CCNC: variants seen among roughly 807,000 people sequenced by gnomAD.
CCNC encodes cyclin-C.
In CCNC, 19 loss-of-function variants were observed where a neutral mutation model predicts 50.0. The ratio of observed to expected loss-of-function variants is 0.38; its 90% CI spans 0.27 to 0.56. The LOEUF (loss-of-function observed/expected upper bound fraction) is 0.56, where lower values mean the gene tolerates loss of function less well. Among genes scored for constraint, CCNC ranks in the 20% least tolerant of loss-of-function variants. The pLI is 0.72. For missense variants in CCNC, 200 were observed against 327.1 expected (o/e 0.61, Z 3.00); for synonymous variants, 93 against 103.7 (o/e 0.90, Z 0.63).
chr6:99,545,666 AAAC>A (rs1299443097), intron 10 of CCNC, among the ~76,000 whole-genome samples: 1 of 152,228 alleles, frequency 6.6e-6, no homozygotes, highest in Admixed American at 6.5e-5. Context: ...TACAAATTTG[AAAC>A]AACTAGTTAA....
intron 5 of CCNC, among the ~76,000 whole-genome samples, chr6:99,554,563 T>G (rs2114327239): frequency 6.6e-6 from 1 of 152,360 alleles, no homozygotes; most frequent in Non-Finnish European, 1.5e-5. Context: ...CCAATGCTAT[T>G]TTTAAAATTT....
intron 5 of CCNC, 60 bp downstream of exon 5, chr6:99,558,437 T>C (rs1472414805): frequency 1.3e-6 from 2 of 1,579,562 alleles, no homozygotes; most frequent in East Asian, 2.3e-5. Flanking sequence ...AAAAAATCTA[T>C]GTACTCTGGA....
intron 5 of CCNC, chr6:99,557,613 T>G (rs1802579095): frequency 6.6e-6 from 1 of 151,982 alleles, no homozygotes. Context: ...GAGACTAGTC[T>G]GGCCAACATG....
chr6:99,559,363 G>A (rs1422281329), intron 4 of CCNC, among the ~76,000 whole-genome samples: 1 of 151,922 alleles, frequency 6.6e-6, no homozygotes, highest in Non-Finnish European at 1.5e-5. Context: ...TTCATTTATT[G>A]CCTCGTAAGA....
rs1769260993 is a variant in CCNC at position 99,568,573 on chromosome 6, C to T, written c.-46G>A. ...AAAAAAGCACCAGCCGGCGGAGCGG[C>T]CCGCGGAGCGACCATAGACCCAGCC... On this transcript the variant is annotated 5_prime_UTR_variant, in exon 1 of 12. Coordinates refer to ENST00000520429, the MANE Select transcript of CCNC (RefSeq NM_005190.4). 1.9e-6 allele frequency: 3 copies of T among 1,599,810 alleles called. No individual in the cohort carries two copies. In the East Asian group the frequency reaches 6.9e-5, roughly 37 times the overall value.
intron 5 of CCNC, among the ~76,000 whole-genome samples, chr6:99,553,553 T>C (rs1430805526): frequency 6.6e-6 from 1 of 152,224 alleles, no homozygotes; most frequent in Non-Finnish European, 1.5e-5. Context: ...CTTATTATCA[T>C]CTATTCAATT....
chr6:99,547,328 T>C (rs1039719105), intron 9 of CCNC, among the ~76,000 whole-genome samples: 1 of 151,828 alleles, frequency 6.6e-6, no homozygotes, highest in Non-Finnish European at 1.5e-5. Flanking sequence ...ATGACTGACA[T>C]GATAAAAACA....
intron 5 of CCNC, among the ~76,000 whole-genome samples, chr6:99,554,595 T>G (rs1343404985): frequency 2.0e-5 from 3 of 152,228 alleles, no homozygotes; most frequent in Non-Finnish European, 4.4e-5. Context: ...TTCTTTCAGC[T>G]TTGGTCAGTG....
chr6:99,563,854 C>A (rs1453833769), intron 1 of CCNC, among the ~76,000 whole-genome samples: 2 of 151,920 alleles, frequency 1.3e-5, no homozygotes, highest in Non-Finnish European at 2.9e-5. Flanking sequence ...TTCTTGTTCA[C>A]ATGCTGTGCT....
intron 1 of CCNC, among the ~76,000 whole-genome samples, chr6:99,563,339 GTA>G (rs1173090527): frequency 6.6e-6 from 1 of 152,186 alleles, no homozygotes; most frequent in Non-Finnish European, 1.5e-5. Context: ...ATTTGAGGAA[GTA>G]TATAGTTTTC....
chr6:99,558,430 A>C (rs1185159455), intron 5 of CCNC, 67 bp downstream of exon 5: 1 of 1,571,218 alleles, frequency 6.4e-7, no homozygotes, highest in Admixed American at 2.1e-5. Flanking sequence ...AAAAAAAAAA[A>C]AATCTATGTA....
intron 5 of CCNC, among the ~76,000 whole-genome samples, chr6:99,556,968 T>TC (rs1314967128): frequency 7.2e-5 from 11 of 152,194 alleles, no homozygotes; most frequent in Admixed American, 5.2e-4. Context: ...GCAGATTCCT[T>TC]CATTTAGCAT....
intron 5 of CCNC, among the ~76,000 whole-genome samples, chr6:99,552,272 T>C (rs1344119720): frequency 6.6e-6 from 1 of 152,162 alleles, no homozygotes; most frequent in African/African-American, 2.4e-5. Context: ...GTTTACAATA[T>C]ATACAATTGG....
At position 99,562,924 on chromosome 6, in the gene CCNC, T is replaced by C. The variant is rs780485757; in HGVS notation, c.57A>G (p.Gln19=). ...SHYLQWILDK[Q]DLLKERQKDL... ...CCTTTTGGCGCTCCTTCAACAGATCTTGTTTATCCAAAATCCATTGCAAAC... is the reference window on the plus strand; with the variant it reads ...CCTTTTGGCGCTCCTTCAACAGATCCTGTTTATCCAAAATCCATTGCAAAC... Residue 19 remains glutamine, a synonymous_variant, in exon 2 of 12, where the codon CAA becomes CAG. Transcript: ENST00000520429. The C allele has an allele frequency of 6.2e-6, 10 of 1,605,556 alleles. No individual in the cohort carries two copies. The highest frequency in any genetic ancestry group is 8.5e-6 in the Non-Finnish European group (10 of 1,176,918).
At chr6:99,561,706 A>G in intron 2 of CCNC, 25 bp from the exon 3 acceptor site, 1 of 1,328,116 alleles carries the variant, frequency 7.5e-7, no homozygotes, top group East Asian at 2.3e-5. Flanking sequence ...ATGAAATTTT[A>G]AATGTATCTT....
intron 1 of CCNC, among the ~76,000 whole-genome samples, chr6:99,567,386 T>TAC (rs1321751830): frequency 2.8e-5 from 4 of 142,976 alleles, no homozygotes; most frequent in African/African-American, 5.5e-5. Context: ...GCAACATATA[T>TAC]ACACACACAT....
At chr6:99,559,612 A>G (rs1471857089) in intron 4 of CCNC, among the ~76,000 whole-genome samples, 1 of 151,220 alleles carries the variant, frequency 6.6e-6, no homozygotes, top group Non-Finnish European at 1.5e-5. Context: ...TACAATTTCC[A>G]TAAAACTAGA....
At chr6:99,564,050 T>C (rs1482201506) in intron 1 of CCNC, among the ~76,000 whole-genome samples, 1 of 152,208 alleles carries the variant, frequency 6.6e-6, no homozygotes, top group Non-Finnish European at 1.5e-5. Context: ...TGGTAACTTA[T>C]TGATACACAT....
At chr6:99,557,290 T>C (rs879941256) in intron 5 of CCNC, 1 of 152,182 alleles carries the variant, frequency 6.6e-6, no homozygotes, top group African/African-American at 2.4e-5. Context: ...TTAAATTCCT[T>C]GTATTTTACC....
Sources: allele counts gnomAD v4.1 joint callset (sites outside exome capture counted in the v4.1 genomes callset), GRCh38; gene constraint gnomAD v4.1.1; transcripts MANE v1.5; gene names NCBI Gene and HGNC (gene_info 2026-07-23, HGNC 2026-07-21).